The following KRABD2 variants were observed in gnomAD, a reference collection of about 807,000 sequenced individuals.
The protein encoded by KRABD2 is KRAB domain containing 2.
At chr17:8,376,689 C>A in the KRABD2 span, 1 of 984,346 alleles carries the variant, frequency 1.0e-6, no homozygotes. Flanking sequence ...CCCAGAGGCC[C>A]CCGAGCAGCA....
chr17:8,376,448 A>G, the KRABD2 span: 5 of 1,029,540 alleles, frequency 4.9e-6, no homozygotes, highest in African/African-American at 1.7e-5. Flanking sequence ...TCCACACCAC[A>G]CGGGCACGCC....
At chr17:8,361,366 G>A in the KRABD2 span, among the ~76,000 whole-genome samples, 1 of 152,144 alleles carries the variant, frequency 6.6e-6, no homozygotes, top group African/African-American at 2.4e-5. Flanking sequence ...CTTAGATGAG[G>A]AAGCCAAGTT....
chr17:8,366,108 G>T, the KRABD2 span, among the ~76,000 whole-genome samples: 1 of 149,206 alleles, frequency 6.7e-6, no homozygotes, highest in African/African-American at 2.5e-5. Flanking sequence ...CAGCCCGGGC[G>T]ACAGTGCGAG....
chr17:8,374,201 A>G, the KRABD2 span, among the ~76,000 whole-genome samples: 3 of 142,644 alleles, frequency 2.1e-5, no homozygotes, highest in Non-Finnish European at 4.4e-5. Flanking sequence ...AAATGTGGGG[A>G]AAAGAAAGAG....
At chr17:8,363,749 CAT>C in the KRABD2 span, among the ~76,000 whole-genome samples, 799 of 147,102 alleles carry the variant, frequency 5.4e-3, 3 homozygotes, top group Non-Finnish European at 9.5e-3. Context: ...CATCTTTTTT[CAT>C]ACATACATAT....
At chr17:8,366,268 G>A in the KRABD2 span, among the ~76,000 whole-genome samples, 1 of 152,130 alleles carries the variant, frequency 6.6e-6, no homozygotes, top group Non-Finnish European at 1.5e-5. Flanking sequence ...GGGAACATAG[G>A]AGTACACAGG....
At chr17:8,376,547 C>T in the KRABD2 span, 37 of 988,000 alleles carry the variant, frequency 3.7e-5, no homozygotes, top group African/African-American at 6.3e-4. Context: ...CCGCCTGGAT[C>T]CATGCCCGTC....
the KRABD2 span, chr17:8,369,201 A>G: frequency 1.6e-5 from 26 of 1,614,010 alleles, no homozygotes; most frequent in South Asian, 2.6e-4. Context: ...AGTGGGATCC[A>G]TGTCATCGTC....
the KRABD2 span, among the ~76,000 whole-genome samples, chr17:8,366,654 G>A: frequency 4.6e-5 from 7 of 152,140 alleles, no homozygotes; most frequent in Non-Finnish European, 1.0e-4. Context: ...ACAGAGCCCA[G>A]TTGGTAAGGT....
At chr17:8,370,754 C>CAGT in the KRABD2 span, among the ~76,000 whole-genome samples, 2 of 152,204 alleles carry the variant, frequency 1.3e-5, no homozygotes, top group African/African-American at 4.8e-5. Context: ...ATCTTACCCT[C>CAGT]AGTACCCTTT....
the KRABD2 span, chr17:8,369,709 C>T: frequency 6.2e-7 from 1 of 1,614,180 alleles, no homozygotes; most frequent in East Asian, 2.2e-5. Flanking sequence ...ACCTCATGGG[C>T]CTGTTTGGTT....
chr17:8,366,891 C>T, the KRABD2 span, among the ~76,000 whole-genome samples: 7 of 151,764 alleles, frequency 4.6e-5, no homozygotes, highest in South Asian at 1.0e-3. Context: ...CCGGCTAATA[C>T]TTTGCATTTT....
chr17:8,364,351 C>A, the KRABD2 span, among the ~76,000 whole-genome samples: 19 of 151,992 alleles, frequency 1.3e-4, no homozygotes, highest in Admixed American at 2.0e-4. The surrounding 1 kb of genome is among the most constrained non-coding windows in gnomAD (Gnocchi z 4.4). Context: ...GGCCATTTTT[C>A]TTTTTCTTTT....
chr17:8,370,104 G>C, the KRABD2 span: 2 of 1,613,980 alleles, frequency 1.2e-6, no homozygotes, highest in Non-Finnish European at 1.7e-6. Flanking sequence ...CAGTTTCTCT[G>C]TGCCCTGTAC....
chr17:8,374,073 C>G, the KRABD2 span, among the ~76,000 whole-genome samples: 3 of 151,990 alleles, frequency 2.0e-5, no homozygotes. Context: ...CCGGCCGCCC[C>G]GTCTGGGAAG....
At chr17:8,369,590 C>T in the KRABD2 span, 5 of 1,614,262 alleles carry the variant, frequency 3.1e-6, no homozygotes, top group Non-Finnish European at 4.2e-6. Context: ...GGTCTGGCCA[C>T]AACTCATTGA....
the KRABD2 span, among the ~76,000 whole-genome samples, chr17:8,363,876 TATTTATTTTTTA>T: frequency 7.7e-6 from 1 of 130,588 alleles, no homozygotes; most frequent in Non-Finnish European, 1.6e-5. Context: ...TTTATTTATT[TATTTATTTTTTA>T]GACAGATTCT....
chr17:8,375,858 A>C, the KRABD2 span: 2 of 1,217,956 alleles, frequency 1.6e-6, no homozygotes, highest in Non-Finnish European at 2.0e-6. Context: ...GTCAGAGAAA[A>C]CTGGAAATAT....
At chr17:8,369,588 C>G in the KRABD2 span, 2 of 1,614,218 alleles carry the variant, frequency 1.2e-6, no homozygotes, top group Non-Finnish European at 1.7e-6. Context: ...TAGGTCTGGC[C>G]ACAACTCATT....
Sources: gnomAD v4.1 joint callset for allele counts (sites outside exome capture counted in the v4.1 genomes callset) on GRCh38, gnomAD v4.1.1 for gene constraint, Gnocchi (gnomAD v3.1) non-coding constraint, MANE v1.5 for transcripts, NCBI Gene and HGNC (gene_info 2026-07-23, HGNC 2026-07-21) for gene names.